The following PPM1L variants were observed in gnomAD, a reference collection of about 807,000 sequenced individuals.
PPM1L encodes protein phosphatase 1L.
PPM1L carries 13 observed loss-of-function variants against 31.4 expected under a neutral mutation model. The ratio of observed to expected loss-of-function variants is 0.41; its 90% CI spans 0.27 to 0.66. The LOEUF is 0.66. Among genes scored for constraint, PPM1L ranks in the 30% least tolerant of loss-of-function variants. PPM1L has a pLI of 0.29. For synonymous variants in PPM1L, 184 were observed against 175.4 expected, an observed-to-expected ratio of 1.05 and a Z score of -0.39; for missense variants, 326 against 453.7, an observed-to-expected ratio of 0.72 and a Z score of 2.56.
chr3:160,816,583 AT>A (rs1364893069), intron 1 of PPM1L, among the ~76,000 whole-genome samples: 1 of 151,798 alleles, frequency 6.6e-6, no homozygotes, highest in Non-Finnish European at 1.5e-5. Context: ...TATTGAAGAC[AT>A]TAGCCAACAG....
rs150445635 is a variant in PPM1L at position 160,859,856 on chromosome 3, G to A, written c.400-101880G>A. ...GTATTTGTGAGAAGGTTTATGAGGT[G>A]GTGATGTCAAATAAGAACTTGGATG... On this transcript the variant is annotated intron_variant, in intron 1 of 3. Transcript: ENST00000498165. 2.2e-3 allele frequency among the ~76,000 whole-genome samples: 335 copies of A among 152,250 alleles called. 2 individuals carry two copies. Among genetic ancestry groups the A allele is most frequent in the African/African-American group, 7.7e-3 (319 of 41,552 alleles).
At chr3:160,953,544 G>A (rs1715640344) in intron 1 of PPM1L, among the ~76,000 whole-genome samples, 1 of 152,078 alleles carries the variant, frequency 6.6e-6, no homozygotes, top group Non-Finnish European at 1.5e-5. Context: ...TTTTCCCAGA[G>A]AAATATACTA....
In PPM1L at chr3:160,970,800, T is replaced by C. The variant is rs1447147149; in HGVS notation, c.574+8890T>C. ...ATTTCAGTTATAATTTTTTTTTTTT[T>C]TTTTTTTTTGAGACGGAGTCTCGCT... On this transcript the variant is annotated intron_variant, in intron 2 of 3. Transcript: ENST00000498165. Among the ~76,000 whole-genome samples, 3 of 138,848 alleles carry C rather than the reference T, an allele frequency of 2.2e-5. 1 individual carries two copies. Among genetic ancestry groups the C allele is most frequent in the Non-Finnish European group, 3.1e-5 (2 of 64,108 alleles). 91.1% of individuals were successfully genotyped at this position (138,848 alleles called of 152,430 possible). A position where few individuals can be genotyped will look rare whatever the true frequency, so the allele number is the denominator to read the frequency against.
intron 2 of PPM1L, among the ~76,000 whole-genome samples, chr3:160,971,445 T>C (rs1048380055): frequency 6.6e-5 from 10 of 152,176 alleles, no homozygotes; most frequent in African/African-American, 2.4e-4. Flanking sequence ...TGCATTTGTA[T>C]GTGTGCTCAT....
chr3:161,006,601 T>TA (rs1391652173), intron 2 of PPM1L, among the ~76,000 whole-genome samples: 3 of 151,976 alleles, frequency 2.0e-5, no homozygotes, highest in Admixed American at 2.0e-4. Flanking sequence ...GTTTTCCTCA[T>TA]AATCCCATTT....
chr3:160,835,149 C>CAT, intron 1 of PPM1L, among the ~76,000 whole-genome samples: 1 of 50,642 alleles, frequency 2.0e-5, no homozygotes, highest in South Asian at 6.0e-4. Context: ...CTTTTTCTTC[C>CAT]TTTTTTTTTT....
chr3:160,797,118 A>G (rs6793062), intron 1 of PPM1L, among the ~76,000 whole-genome samples: 8,819 of 152,182 alleles, frequency 0.058, 825 homozygotes, highest in African/African-American at 0.2. Flanking sequence ...CCCCATGTTG[A>G]GCAAGATTAT....
chr3:160,992,535 G>C (rs1371927559), intron 2 of PPM1L, among the ~76,000 whole-genome samples: 1 of 152,176 alleles, frequency 6.6e-6, no homozygotes, highest in Non-Finnish European at 1.5e-5. Context: ...TGAAGAATTC[G>C]AGGGATATAC....
rs541186546 is a variant in PPM1L at position 161,072,686 on chromosome 3, C to T, written c.*3529C>T. The stretch of plus-strand genomic sequence containing the variant: ...TAGCACCTAGTAACATTGCAAGGAA[C>T]TTGTGTATCAAGGTGTATCTTGATT... On this transcript the variant is annotated 3_prime_UTR_variant, in exon 4 of 4. Coordinates refer to ENST00000498165, the MANE Select transcript of PPM1L (RefSeq NM_139245.4). 6.6e-6 allele frequency: 1 copy of T among 152,208 alleles called. No homozygotes were observed. The highest frequency in any genetic ancestry group is 3.4e-3 in the Middle Eastern group (1 of 294). 9.4% of individuals were successfully genotyped at this position (152,208 alleles called of 1,614,324 possible). A position where few individuals can be genotyped will look rare whatever the true frequency, so the allele number is the denominator to read the frequency against.
chr3:160,767,379 G>A (rs989607088), intron 1 of PPM1L, among the ~76,000 whole-genome samples: 7 of 152,020 alleles, frequency 4.6e-5, no homozygotes, highest in Non-Finnish European at 8.8e-5. Flanking sequence ...GACTACAGGC[G>A]TGTGCCACCA....
chr3:160,935,072 C>T lies in PPM1L; in HGVS notation c.400-26664C>T, dbSNP rs1714923067. ...CATGAAAACAAAAGCCTTTAAGCCC[C>T]AAACCCTGAAGGTAAGTCACAAATC... is the stretch of plus-strand genomic sequence containing the variant. On this transcript the variant is annotated intron_variant, in intron 1 of 3. Coordinates refer to ENST00000498165, the MANE Select transcript of PPM1L (RefSeq NM_139245.4). 2.6e-5 allele frequency among the ~76,000 whole-genome samples: 4 copies of T among 152,120 alleles called. No homozygotes were observed. In the South Asian group the frequency reaches 8.3e-4, roughly 32 times the overall value.
At chr3:160,952,209 T>G (rs1715596153) in intron 1 of PPM1L, among the ~76,000 whole-genome samples, 1 of 152,176 alleles carries the variant, frequency 6.6e-6, no homozygotes, top group South Asian at 2.1e-4. Flanking sequence ...GGGCACTCAC[T>G]CTGACTTTAT....
chr3:160,987,835 AAAT>A (rs1717012478), intron 2 of PPM1L, among the ~76,000 whole-genome samples: 1 of 152,240 alleles, frequency 6.6e-6, no homozygotes, highest in Non-Finnish European at 1.5e-5. Context: ...GTTTTAAACT[AAAT>A]AATAAAATGA....
chr3:160,945,329 G>A (rs1393280317), intron 1 of PPM1L, among the ~76,000 whole-genome samples: 5 of 151,628 alleles, frequency 3.3e-5, no homozygotes, highest in African/African-American at 1.2e-4. Context: ...TAAACAAATG[G>A]GCACAGCTAT....
chr3:160,769,500 G>A (rs1715192442), intron 1 of PPM1L, among the ~76,000 whole-genome samples: 1 of 152,136 alleles, frequency 6.6e-6, no homozygotes, highest in Non-Finnish European at 1.5e-5. Flanking sequence ...GTAGGTGTTA[G>A]GTTGGTGCAA....
intron 2 of PPM1L, among the ~76,000 whole-genome samples, chr3:161,054,672 G>C (rs1035848083): frequency 2.0e-5 from 3 of 152,122 alleles, no homozygotes; most frequent in Non-Finnish European, 2.9e-5. Context: ...CTTACTAGCT[G>C]TGTGACCTTG....
Position 161,073,053 on chromosome 3 carries a change from G to A in PPM1L, c.*3896G>A, listed in dbSNP as rs1719982143. On this transcript the variant is annotated 3_prime_UTR_variant, in exon 4 of 4. Transcript: ENST00000498165. ...AGCTAGACTTTTGAGCTAGTTAGCT[G>A]TAGAAATAATAGAATCCAGTGTTTC... is the stretch of plus-strand genomic sequence containing the variant. 1 of 152,208 alleles carries A rather than the reference G, an allele frequency of 6.6e-6. No individual in the cohort carries two copies. The highest frequency in any genetic ancestry group is 2.4e-5 in the African/African-American group (1 of 41,462). The allele number at this position is 152,208 out of a possible 1,614,324, so 9.4% of individuals were successfully genotyped here. A position where few individuals can be genotyped will look rare whatever the true frequency, so the allele number is the denominator to read the frequency against.
intron 2 of PPM1L, among the ~76,000 whole-genome samples, chr3:161,015,943 T>C (rs1160686974): frequency 6.6e-6 from 1 of 152,106 alleles, no homozygotes; most frequent in East Asian, 1.9e-4. Flanking sequence ...AAGTGAGGAG[T>C]GCCCACAGTT....
intron 2 of PPM1L, among the ~76,000 whole-genome samples, chr3:161,062,956 G>A (rs1039398090): frequency 5.9e-5 from 9 of 152,084 alleles, no homozygotes; most frequent in Admixed American, 3.3e-4. Flanking sequence ...AGCCAAGGTC[G>A]GCGACATGCT....
Sources: allele counts gnomAD v4.1 joint callset (sites outside exome capture counted in the v4.1 genomes callset), GRCh38; gene constraint gnomAD v4.1.1; transcripts MANE v1.5; gene names NCBI Gene and HGNC (gene_info 2026-07-23, HGNC 2026-07-21).